The following PLEKHA8 variants were observed in gnomAD, a reference collection of about 807,000 sequenced individuals.
The protein encoded by PLEKHA8 is pleckstrin homology domain containing A8, also known as pleckstrin homology domain-containing family A member 8.
PLEKHA8 carries 36 observed loss-of-function variants against 68.2 expected under a neutral mutation model. The observed-to-expected ratio is 0.53, with a 90% CI of 0.40 to 0.70. The LOEUF is 0.70. Among genes scored for constraint, PLEKHA8 ranks in the 30% least tolerant of loss-of-function variants. The probability of loss-of-function intolerance (pLI) is 0.00; values close to 1 mark genes in which losing one functional copy is unlikely to be tolerated. For missense variants in PLEKHA8, 505 were observed against 615.4 expected (o/e 0.82, Z 1.90); for synonymous variants, 211 against 216.1 (o/e 0.98, Z 0.20).
chr7:30,045,159 G>T lies in PLEKHA8; in HGVS notation c.115G>T (p.Gly39Cys). ...YYDSPEDAWK[G>C]CKGSIQMAVC... is the part of the protein sequence containing the mutation. ...TGATTCTCCTGAAGATGCCTGGAAA[G>T]GTTGCAAAGGGAGCATACAAATGGC... is the stretch of plus-strand genomic sequence containing the variant. The change falls in exon 2 of 14, where the codon GGT (glycine) becomes TGT (cysteine). Residue 39 changes from glycine to cysteine, a missense_variant. Coordinates refer to ENST00000449726, the MANE Select transcript of PLEKHA8 (RefSeq NM_001197026.2). The T allele has an allele frequency of 6.2e-7, 1 of 1,611,724 alleles. No individual in the cohort carries two copies. Among genetic ancestry groups the T allele is most frequent in the Non-Finnish European group, 8.5e-7 (1 of 1,178,780 alleles).
chr7:30,056,693 C>T (rs1306269628), intron 9 of PLEKHA8, among the ~76,000 whole-genome samples: 1 of 132,278 alleles, frequency 7.6e-6, no homozygotes, highest in African/African-American at 2.8e-5. Context: ...TGCACCACTG[C>T]ACTCCAGCCT....
chr7:30,096,167 T>G (rs1402268558), intron 13 of PLEKHA8, among the ~76,000 whole-genome samples: 1 of 152,232 alleles, frequency 6.6e-6, no homozygotes, highest in Non-Finnish European at 1.5e-5. Flanking sequence ...GCATGGAATG[T>G]TCTTCCATTC....
chr7:30,058,167 T>C (rs1793141577), intron 9 of PLEKHA8, among the ~76,000 whole-genome samples: 1 of 152,198 alleles, frequency 6.6e-6, no homozygotes, highest in South Asian at 2.1e-4. Context: ...TTTTTATTAC[T>C]GAGTTGGGAG....
At chr7:30,116,396 C>T (rs1449192578) in intron 13 of PLEKHA8, among the ~76,000 whole-genome samples, 1 of 151,764 alleles carries the variant, frequency 6.6e-6, no homozygotes, top group African/African-American at 2.4e-5. Flanking sequence ...CGATTTTTCA[C>T]CTAATAGTGT....
chr7:30,038,882 T>G (rs537046725), intron 1 of PLEKHA8, among the ~76,000 whole-genome samples: 2 of 151,984 alleles, frequency 1.3e-5, no homozygotes, highest in South Asian at 4.2e-4. Flanking sequence ...AAATTTTGAC[T>G]TAAAAATGGT....
intron 13 of PLEKHA8, among the ~76,000 whole-genome samples, chr7:30,098,814 G>A (rs984686603): frequency 3.3e-5 from 5 of 152,218 alleles, no homozygotes; most frequent in East Asian, 3.9e-4. Context: ...TTTGGCTCAC[G>A]CATGGTGCGC....
Position 30,079,302 on chromosome 7 carries a change from A to G in PLEKHA8, c.*515A>G. On this transcript the variant is annotated 3_prime_UTR_variant, in exon 14 of 14. Coordinates refer to ENST00000449726, the MANE Select transcript of PLEKHA8 (RefSeq NM_001197026.2). Reference sequence around the variant, plus strand: ...TCTTCACTGCAACTCTGTCAGTGATAAGGGCCTGTGTAGTAAAGATGTTCA... The same window carrying G: ...TCTTCACTGCAACTCTGTCAGTGATGAGGGCCTGTGTAGTAAAGATGTTCA... 5 of 989,012 alleles carry G rather than the reference A, an allele frequency of 5.1e-6. No individual in the cohort carries two copies. Among genetic ancestry groups the G allele is most frequent in the Non-Finnish European group, 6.0e-6 (5 of 832,268 alleles). The allele number at this position is 989,012 out of a possible 1,614,324, so 61.3% of individuals were successfully genotyped here. A position where few individuals can be genotyped will look rare whatever the true frequency, so the allele number is the denominator to read the frequency against.
chr7:30,062,371 CGGGT>C (rs1457233414), intron 11 of PLEKHA8, among the ~76,000 whole-genome samples: 1 of 152,150 alleles, frequency 6.6e-6, no homozygotes, highest in Non-Finnish European at 1.5e-5. Flanking sequence ...TTCAGTAACT[CGGGT>C]GGGGCCCCAG....
In PLEKHA8 at chr7:30,082,010, T is replaced by C. The variant is rs891121086; in HGVS notation, c.*3223T>C. 5.4e-6 allele frequency: 5 copies of C among 924,990 alleles called. No homozygotes were observed. Among genetic ancestry groups the C allele is most frequent in the Non-Finnish European group, 1.3e-6 (1 of 775,240 alleles). The allele number at this position is 924,990 out of a possible 1,614,324, so 57.3% of individuals were successfully genotyped here. On this transcript the variant is annotated 3_prime_UTR_variant, in exon 14 of 14. Coordinates refer to ENST00000449726, the MANE Select transcript of PLEKHA8 (RefSeq NM_001197026.2). ...TGGGAGTGAAACCAAATTGTAACTA[T>C]GAGGAGAAGATGGTCTTCTCATTGG...
chr7:30,098,266 G>A (rs1318814433), intron 13 of PLEKHA8, among the ~76,000 whole-genome samples: 5 of 152,194 alleles, frequency 3.3e-5, no homozygotes, highest in African/African-American at 7.2e-5. Flanking sequence ...TAGGCTACTC[G>A]GGGGTCAGGG....
intron 13 of PLEKHA8, among the ~76,000 whole-genome samples, chr7:30,120,361 G>T (rs772436761): frequency 1.1e-4 from 16 of 152,272 alleles, no homozygotes; most frequent in Middle Eastern, 6.8e-3. Context: ...AAGCGGAAGT[G>T]AGGTACAGAA....
chr7:30,114,967 G>A (rs139020152), intron 13 of PLEKHA8, among the ~76,000 whole-genome samples: 153 of 152,096 alleles, frequency 1.0e-3, no homozygotes, highest in African/African-American at 3.5e-3. Context: ...TTGTCTCTCC[G>A]TGCCAGTGCA....
chr7:30,040,089 T>C (rs1562854610), intron 1 of PLEKHA8, among the ~76,000 whole-genome samples: 1 of 152,248 alleles, frequency 6.6e-6, no homozygotes, highest in Non-Finnish European at 1.5e-5. Flanking sequence ...GGGTGTTAGA[T>C]TTTTGTCAAG....
chr7:30,031,605 A>C (rs1410349782), intron 1 of PLEKHA8, among the ~76,000 whole-genome samples: 2 of 152,128 alleles, frequency 1.3e-5, no homozygotes, highest in African/African-American at 4.8e-5. Context: ...TGGTTTAAAC[A>C]CTGTGATGTG....
In PLEKHA8 at chr7:30,071,206, A is replaced by C. The variant is rs545905953; in HGVS notation, c.1301-2865A>C. On this transcript the variant is annotated intron_variant, in intron 12 of 13. Transcript: ENST00000449726. ...AGCGATAAATGTTATATTTTTCAAA[A>C]CTTCCACTGTGCCTTAGGTGGAAGA... Among the ~76,000 whole-genome samples, 55 of 152,304 alleles carry C rather than the reference A, an allele frequency of 3.6e-4. 1 individual carries two copies. The highest frequency in any genetic ancestry group is 3.4e-3 in the Middle Eastern group (1 of 292).
chr7:30,062,047 A>T lies in PLEKHA8; in HGVS notation c.1229+20A>T, dbSNP rs764418050. 6.3e-7 allele frequency: 1 copy of T among 1,596,300 alleles called. No homozygotes were observed. Among genetic ancestry groups the T allele is most frequent in the Non-Finnish European group, 8.5e-7 (1 of 1,173,948 alleles). On this transcript the variant is annotated intron_variant, in intron 11 of 13. Coordinates refer to ENST00000449726, the MANE Select transcript of PLEKHA8 (RefSeq NM_001197026.2). ...GAAGAGGTGAGGCAGCTGGGGTGGG[A>T]CAGCAGTTAAAATCTAGCTCAAAAA... is the stretch of plus-strand genomic sequence containing the variant.
Position 30,082,325 on chromosome 7 carries a change from C to T in PLEKHA8, c.*3538C>T. Reference sequence around the variant, plus strand: ...CCGCCATCAGCACACCAAATCTACCCCCACTTATGTTTGTTCTGCCCCATT... The same window carrying T: ...CCGCCATCAGCACACCAAATCTACCTCCACTTATGTTTGTTCTGCCCCATT... On this transcript the variant is annotated 3_prime_UTR_variant, in exon 14 of 14. Coordinates refer to ENST00000449726, the MANE Select transcript of PLEKHA8 (RefSeq NM_001197026.2). 8 of 985,520 alleles carry T rather than the reference C, an allele frequency of 8.1e-6. No individual in the cohort carries two copies. The highest frequency in any genetic ancestry group is 9.6e-6 in the Non-Finnish European group (8 of 830,056). 61.0% of individuals were successfully genotyped at this position (985,520 alleles called of 1,614,324 possible). A position where few individuals can be genotyped will look rare whatever the true frequency, so the allele number is the denominator to read the frequency against.
intron 7 of PLEKHA8, 109 bp downstream of exon 7, chr7:30,052,975 C>T: frequency 1.2e-6 from 1 of 860,698 alleles, no homozygotes; most frequent in Non-Finnish European, 1.7e-6. Flanking sequence ...GTAGTAGTGT[C>T]TGCTAAGGAG....
rs1027711883 is a variant in PLEKHA8, at chr7:30,081,214, A to G, written c.*2427A>G. ...TAGCTTGAATAAGTTACATTTTCCA[A>G]TTACCCTTTTTCCACATCTGTAGAA... On this transcript the variant is annotated 3_prime_UTR_variant, in exon 14 of 14. Coordinates refer to ENST00000449726, the MANE Select transcript of PLEKHA8 (RefSeq NM_001197026.2). 9.1e-6 allele frequency: 9 copies of G among 985,200 alleles called. No individual in the cohort carries two copies. The African/African-American group carries it at 1.0e-4, about 11-fold the overall frequency. The allele number at this position is 985,200 out of a possible 1,614,324, so 61.0% of individuals were successfully genotyped here.
Sources: gnomAD v4.1 joint callset for allele counts (sites outside exome capture counted in the v4.1 genomes callset) on GRCh38, gnomAD v4.1.1 for gene constraint, MANE v1.5 for transcripts, NCBI Gene and HGNC (gene_info 2026-07-23, HGNC 2026-07-21) for gene names.